Variants in MARK1 observed in about 807,000 individuals in gnomAD.
MARK1 encodes the protein serine/threonine-protein kinase MARK1.
A neutral mutation model predicts 96.3 loss-of-function variants in MARK1; 40 were observed. The observed-to-expected ratio is 0.42, with a 90% CI of 0.32 to 0.54. MARK1 has a LOEUF of 0.54. Among genes scored for constraint, MARK1 ranks in the 20% least tolerant of loss-of-function variants. The pLI, the probability that MARK1 is intolerant of heterozygous loss-of-function variation, is 0.16. For missense variants in MARK1, 719 were observed against 984.6 expected (o/e 0.73, Z 3.61); for synonymous variants, 317 against 341.2 (o/e 0.93, Z 0.78).
chr1:220,623,811 A>T (rs956270448), intron 9 of MARK1, among the ~76,000 whole-genome samples: 1 of 152,200 alleles, frequency 6.6e-6, no homozygotes, highest in African/African-American at 2.4e-5. Context: ...TTAGTAAAAG[A>T]AGGGTGCCTC....
chr1:220,570,491 T>C (rs1053287395), intron 1 of MARK1, among the ~76,000 whole-genome samples: 1 of 152,070 alleles, frequency 6.6e-6, no homozygotes, highest in African/African-American at 2.4e-5. Flanking sequence ...TGAATGAGGG[T>C]GTTTGATGGG....
At chr1:220,651,567 A>C (rs1468820415) in intron 14 of MARK1, among the ~76,000 whole-genome samples, 1 of 152,166 alleles carries the variant, frequency 6.6e-6, no homozygotes, top group African/African-American at 2.4e-5. Context: ...TCTAGAGATA[A>C]TATTTTTGGT....
At chr1:220,650,868 C>A (rs996259975) in intron 14 of MARK1, 148 bp downstream of exon 14, 2 of 552,466 alleles carry the variant, frequency 3.6e-6, no homozygotes, top group African/African-American at 3.9e-5. Flanking sequence ...AGTAAGACAT[C>A]TTTCCTGTAC....
chr1:220,562,684 A>C (rs1425393179), intron 1 of MARK1, among the ~76,000 whole-genome samples: 1 of 152,150 alleles, frequency 6.6e-6, no homozygotes. Context: ...TCCCTCAAAA[A>C]AAAATTGACA....
chr1:220,657,903 C>T, intron 17 of MARK1, 69 bp downstream of exon 17: 5 of 1,156,720 alleles, frequency 4.3e-6, no homozygotes, highest in Admixed American at 3.2e-5. Context: ...GAAATACTTA[C>T]AGCACTTAAT....
At chr1:220,652,792 A>G (rs1452024030) in intron 15 of MARK1, among the ~76,000 whole-genome samples, 3 of 152,182 alleles carry the variant, frequency 2.0e-5, no homozygotes, top group South Asian at 2.1e-4. Context: ...TTTGTGTTCA[A>G]CATTGCTAAG....
intron 14 of MARK1, 70 bp from the exon 15 acceptor site, chr1:220,651,916 C>A: frequency 7.7e-7 from 1 of 1,306,444 alleles, no homozygotes; most frequent in Non-Finnish European, 1.0e-6. Context: ...AAATATAGTT[C>A]TTAAATTTTA....
intron 1 of MARK1, among the ~76,000 whole-genome samples, chr1:220,548,017 A>G (rs1254794788): frequency 6.6e-6 from 1 of 152,270 alleles, no homozygotes; most frequent in Non-Finnish European, 1.5e-5. Context: ...CAGCAAGAGT[A>G]TGTCAACAAA....
At chr1:220,651,527 C>T (rs566976191) in intron 14 of MARK1, among the ~76,000 whole-genome samples, 13 of 152,248 alleles carry the variant, frequency 8.5e-5, no homozygotes, top group African/African-American at 2.2e-4. Flanking sequence ...CCTATTGACT[C>T]ATAATATGAT....
At chr1:220,612,614 A>G (rs1304381599) in intron 6 of MARK1, among the ~76,000 whole-genome samples, 1 of 152,192 alleles carries the variant, frequency 6.6e-6, no homozygotes, top group East Asian at 1.9e-4. Flanking sequence ...ACATGCACAC[A>G]CATACATTAT....
At chr1:220,621,763 T>C (rs1363765772) in intron 9 of MARK1, among the ~76,000 whole-genome samples, 1 of 152,154 alleles carries the variant, frequency 6.6e-6, no homozygotes, top group African/African-American at 2.4e-5. Context: ...CTCTAGTCTT[T>C]CTTCACTATA....
At chr1:220,636,672 C>T (rs1211396448) in intron 13 of MARK1, among the ~76,000 whole-genome samples, 1 of 151,770 alleles carries the variant, frequency 6.6e-6, no homozygotes, top group African/African-American at 2.4e-5. Context: ...AGAAAGAAAA[C>T]CTATTCCTGG....
At chr1:220,613,052 C>CAGTACCCAGCTGACAGTAAATCATGTTT (rs1666544893) in intron 6 of MARK1, among the ~76,000 whole-genome samples, 1 of 152,202 alleles carries the variant, frequency 6.6e-6, no homozygotes, top group African/African-American at 2.4e-5. Flanking sequence ...GTCTTACCGT[C>CAGTACCCAGCTGACAGTAAATCATGTTT]AGTACCCAGC....
chr1:220,569,650 A>G (rs1663302304), intron 1 of MARK1, among the ~76,000 whole-genome samples: 1 of 152,124 alleles, frequency 6.6e-6, no homozygotes, highest in Non-Finnish European at 1.5e-5. Flanking sequence ...CATTTGTTGA[A>G]TAATTTATTA....
intron 1 of MARK1, among the ~76,000 whole-genome samples, chr1:220,557,582 T>G (rs1423970124): frequency 6.6e-6 from 1 of 152,014 alleles, no homozygotes; most frequent in African/African-American, 2.4e-5. Flanking sequence ...AAATAAAAGT[T>G]TTTTCAGACA....
At position 220,652,133 on chromosome 1, in the gene MARK1, T is replaced by C; in HGVS notation, c.1719T>C (p.Ser573=). Residue 573 remains serine, a synonymous_variant, in exon 15 of 18, where the codon TCT becomes TCC. Coordinates refer to ENST00000366917, the MANE Select transcript of MARK1 (RefSeq NM_018650.5). ...KVTLPTIKDG[S]EAYRPGTTQR... ...CACTGCCAACCATTAAAGACGGCTCTGAAGCTTACCGGCCTGGGTAATGTG... is the reference window on the plus strand; with the variant it reads ...CACTGCCAACCATTAAAGACGGCTCCGAAGCTTACCGGCCTGGGTAATGTG... The C allele has an allele frequency of 1.9e-6, 3 of 1,608,396 alleles. No individual in the cohort carries two copies. The highest frequency in any genetic ancestry group is 2.6e-6 in the Non-Finnish European group (3 of 1,175,322).
At chr1:220,565,755 A>T (rs12063243) in intron 1 of MARK1, among the ~76,000 whole-genome samples, 1 of 152,006 alleles carries the variant, frequency 6.6e-6, no homozygotes, top group Non-Finnish European at 1.5e-5. Context: ...CAGATTTTTG[A>T]TGTTTTTCTC....
intron 1 of MARK1, among the ~76,000 whole-genome samples, chr1:220,541,649 C>A (rs527941710): frequency 2.0e-4 from 31 of 152,200 alleles, no homozygotes; most frequent in African/African-American, 7.2e-4. Context: ...TTTATCACTA[C>A]GTAATATTCT....
In MARK1 at chr1:220,650,241, T is replaced by C. The variant is rs11118585; in HGVS notation, c.1471-379T>C. On this transcript the variant is annotated intron_variant, in intron 13 of 17. Coordinates refer to ENST00000366917, the MANE Select transcript of MARK1 (RefSeq NM_018650.5). ...GCATGCCATCTTCACTGCCCGAGGC[T>C]CCTGTTGGTGATGATACTTAGTGTG... is the stretch of plus-strand genomic sequence containing the variant. 4.8e-3 allele frequency among the ~76,000 whole-genome samples: 729 copies of C among 152,258 alleles called. 4 individuals are homozygous for C. The highest frequency in any genetic ancestry group is 0.017 in the African/African-American group (695 of 41,544).
Sources: gnomAD v4.1 joint callset for allele counts (sites outside exome capture counted in the v4.1 genomes callset) on GRCh38, gnomAD v4.1.1 for gene constraint, MANE v1.5 for transcripts, NCBI Gene and HGNC (gene_info 2026-07-23, HGNC 2026-07-21) for gene names.